Variants in SUGCT observed in about 807,000 individuals in gnomAD.
The protein encoded by SUGCT is succinyl-CoA:glutarate-CoA transferase, also known as succinyl-CoA:glutarate CoA-transferase.
SUGCT carries 41 observed loss-of-function variants against 55.0 expected under a neutral mutation model. The observed-to-expected ratio is 0.74, with a 90% CI of 0.58 to 0.97. The LOEUF (loss-of-function observed/expected upper bound fraction) is 0.97, where lower values mean the gene tolerates loss of function less well. Among genes scored for constraint, SUGCT ranks in the 50% least tolerant of loss-of-function variants. The pLI, the probability that SUGCT is intolerant of heterozygous loss-of-function variation, is 0.00. For synonymous variants in SUGCT, 187 were observed against 200.4 expected, an observed-to-expected ratio of 0.93 and a Z score of 0.56; for missense variants, 568 against 547.8, an observed-to-expected ratio of 1.04 and a Z score of -0.37.
the SUGCT span, among the ~76,000 whole-genome samples, chr7:40,897,684 G>C: frequency 6.6e-6 from 1 of 152,172 alleles, no homozygotes; most frequent in Non-Finnish European, 1.5e-5. Flanking sequence ...GAGCTTGAAG[G>C]ACTTCCAAAG....
At chr7:40,139,167 T>TC (rs1322674717) in intron 1 of SUGCT, among the ~76,000 whole-genome samples, 27 of 151,450 alleles carry the variant, frequency 1.8e-4, no homozygotes, top group African/African-American at 6.3e-4. Context: ...AATAAATAAA[T>TC]AAATAAATAA....
intron 13 of SUGCT, among the ~76,000 whole-genome samples, chr7:40,818,136 A>T (rs1791772998): frequency 6.6e-6 from 1 of 152,220 alleles, no homozygotes; most frequent in Non-Finnish European, 1.5e-5. Flanking sequence ...GGAGCTCAGG[A>T]TATAACGCAA....
intron 12 of SUGCT, among the ~76,000 whole-genome samples, chr7:40,543,948 G>A (rs187895426): frequency 1.3e-5 from 2 of 152,204 alleles, no homozygotes; most frequent in Admixed American, 1.3e-4. Flanking sequence ...ACAGAAGCCT[G>A]TTTTCAGGTA....
chr7:40,836,374 A>G (rs1260881763), intron 13 of SUGCT, among the ~76,000 whole-genome samples: 1 of 152,208 alleles, frequency 6.6e-6, no homozygotes, highest in Non-Finnish European at 1.5e-5. Flanking sequence ...GATTTGCTTC[A>G]GTGGTAACAC....
intron 9 of SUGCT, among the ~76,000 whole-genome samples, chr7:40,321,630 A>G (rs779847970): frequency 1.3e-5 from 2 of 151,682 alleles, no homozygotes; most frequent in Non-Finnish European, 2.9e-5. Context: ...TGATCCACCC[A>G]CCTTGGCCTC....
At chr7:40,486,950 C>T (rs1791396108) in intron 11 of SUGCT, among the ~76,000 whole-genome samples, 1 of 151,620 alleles carries the variant, frequency 6.6e-6, no homozygotes, top group South Asian at 2.1e-4. Flanking sequence ...GCTCTTAACT[C>T]TTGTTAAGGA....
intron 12 of SUGCT, among the ~76,000 whole-genome samples, chr7:40,501,371 C>A (rs1182635246): frequency 6.6e-6 from 1 of 151,956 alleles, no homozygotes; most frequent in Admixed American, 6.6e-5. Flanking sequence ...AAGTATGAGG[C>A]AATAGTGTAC....
chr7:40,296,227 A>T (rs1794135308), intron 8 of SUGCT, among the ~76,000 whole-genome samples: 2 of 152,336 alleles, frequency 1.3e-5, no homozygotes, highest in Admixed American at 6.5e-5. Flanking sequence ...GTTATTACTT[A>T]TGCTAGTTTC....
intron 12 of SUGCT, among the ~76,000 whole-genome samples, chr7:40,581,421 A>T (rs1224481940): frequency 2.0e-5 from 3 of 152,128 alleles, no homozygotes; most frequent in Non-Finnish European, 4.4e-5. Flanking sequence ...TGCAAACTTG[A>T]CATACCTTGA....
At chr7:40,978,575 C>T in the SUGCT span, among the ~76,000 whole-genome samples, 2 of 151,994 alleles carry the variant, frequency 1.3e-5, no homozygotes, top group Non-Finnish European at 2.9e-5. Context: ...TGTATGAGGG[C>T]TGAGGAAGTT....
intron 12 of SUGCT, among the ~76,000 whole-genome samples, chr7:40,644,549 C>A (rs542945856): frequency 1.2e-4 from 19 of 152,318 alleles, no homozygotes; most frequent in East Asian, 1.9e-4. Flanking sequence ...GTTTGTTGAT[C>A]CCAAGAAACC....
chr7:40,635,906 C>T (rs1800002363), intron 12 of SUGCT, among the ~76,000 whole-genome samples: 1 of 152,170 alleles, frequency 6.6e-6, no homozygotes, highest in Non-Finnish European at 1.5e-5. Flanking sequence ...ACTTAATTGA[C>T]CTAAATATTC....
the SUGCT span, among the ~76,000 whole-genome samples, chr7:40,911,891 G>GGT: frequency 6.6e-6 from 1 of 152,010 alleles, no homozygotes; most frequent in East Asian, 1.9e-4. Context: ...GGGAGGGCAT[G>GGT]GTGTGTGTGT....
At chr7:40,537,125 T>A (rs1794405700) in intron 12 of SUGCT, among the ~76,000 whole-genome samples, 1 of 152,196 alleles carries the variant, frequency 6.6e-6, no homozygotes, top group South Asian at 2.1e-4. Context: ...AATATCAACA[T>A]GTCTCAATCT....
At chr7:40,685,933 C>T (rs1784443456) in intron 12 of SUGCT, among the ~76,000 whole-genome samples, 1 of 152,154 alleles carries the variant, frequency 6.6e-6, no homozygotes, top group Admixed American at 6.5e-5. Context: ...GAATTTCATA[C>T]CACAGCTCAA....
chr7:40,517,250 T>A (rs1793292876), intron 12 of SUGCT, among the ~76,000 whole-genome samples: 1 of 151,614 alleles, frequency 6.6e-6, no homozygotes, highest in South Asian at 2.1e-4. Context: ...CGATGTGAAT[T>A]CCTTAGGATT....
At chr7:40,754,624 C>A (rs1262648707) in intron 13 of SUGCT, among the ~76,000 whole-genome samples, 2 of 152,172 alleles carry the variant, frequency 1.3e-5, no homozygotes, top group African/African-American at 4.8e-5. Flanking sequence ...CAGCTCAAGG[C>A]TCTGGGTGCA....
chr7:40,985,626 A>C, the SUGCT span, among the ~76,000 whole-genome samples: 1 of 152,194 alleles, frequency 6.6e-6, no homozygotes, highest in Non-Finnish European at 1.5e-5. Context: ...GAAGTTCAGG[A>C]CAATTGTGAA....
rs1459704431 is a variant in SUGCT, at chr7:40,376,956, C to T, written c.816+60101C>T. ...CCAGTTTATATATTTTTTCCCCCAG[C>T]GTGTTAAAAATTTTGTGCCAATTTC... On this transcript the variant is annotated intron_variant, in intron 9 of 13. Coordinates refer to ENST00000335693, the MANE Select transcript of SUGCT (RefSeq NM_001193313.2). Among the ~76,000 whole-genome samples the T allele has an allele frequency of 5.3e-5, 8 of 151,234 alleles. No homozygotes were observed. The South Asian group carries it at 8.4e-4, about 16-fold the overall frequency.
Sources: gnomAD v4.1 joint callset for allele counts (sites outside exome capture counted in the v4.1 genomes callset) on GRCh38, gnomAD v4.1.1 for gene constraint, MANE v1.5 for transcripts, NCBI Gene and HGNC (gene_info 2026-07-23, HGNC 2026-07-21) for gene names.